OR2AT4: variants seen among roughly 807,000 people sequenced by gnomAD.
OR2AT4 encodes the protein olfactory receptor 2AT4.
In OR2AT4, 6 loss-of-function variants were observed where a neutral mutation model predicts 10.3. The ratio of observed to expected loss-of-function variants is 0.58; its 90% CI spans 0.32 to 1.15. OR2AT4 has a LOEUF of 1.15. Ranked by LOEUF, OR2AT4 falls within the 50% of genes most tolerant of loss-of-function variation. The probability of loss-of-function intolerance (pLI) is 0.05; values close to 1 mark genes in which losing one functional copy is unlikely to be tolerated. For missense variants in OR2AT4, 354 were observed against 393.8 expected, an observed-to-expected ratio of 0.90 and a Z score of 0.85; for synonymous variants, 145 against 159.1, an observed-to-expected ratio of 0.91 and a Z score of 0.67.
chr11:75,092,763 C>A (rs2140280332), intron 1 of OR2AT4, among the ~76,000 whole-genome samples: 1 of 151,462 alleles, frequency 6.6e-6, no homozygotes, highest in Admixed American at 6.6e-5. Context: ...CATGGCAAAA[C>A]CCTGTCTCTA....
intron 1 of OR2AT4, among the ~76,000 whole-genome samples, chr11:75,093,933 G>C (rs530027550): frequency 1.4e-4 from 21 of 144,860 alleles, no homozygotes; most frequent in Middle Eastern, 3.6e-3. Context: ...AGTGATTCGT[G>C]TGCCTCAGCC....
In OR2AT4 at chr11:75,086,727, C is replaced by T. The variant is rs1949292720; in HGVS notation, c.*2024G>A. Reference sequence around the variant, plus strand: ...AGCCTACATTGACACATCATTATGACCCAAAGCCCATAGTATACACTTGGT... The same window carrying T: ...AGCCTACATTGACACATCATTATGATCCAAAGCCCATAGTATACACTTGGT... On this transcript the variant is annotated 3_prime_UTR_variant, in exon 2 of 2. Transcript: ENST00000641504. 2.0e-5 allele frequency: 3 copies of T among 152,184 alleles called. No individual in the cohort carries two copies. The South Asian group carries it at 6.2e-4, about 32-fold the overall frequency. The allele number at this position is 152,184 out of a possible 1,614,324, so 9.4% of individuals were successfully genotyped here.
chr11:75,087,013 A>G (rs1315682913), exon 2 of OR2AT4: 1 of 152,166 alleles, frequency 6.6e-6, no homozygotes, highest in African/African-American at 2.4e-5. Context: ...TAAATTTACT[A>G]TTGACTCTTC....
intron 1 of OR2AT4, chr11:75,096,277 T>C (rs1280266246): frequency 6.6e-6 from 1 of 152,216 alleles, no homozygotes; most frequent in African/African-American, 2.4e-5. Context: ...CCTCAGCCTC[T>C]TAGGAAGGAG....
chr11:75,088,700 C>T lies in OR2AT4; in HGVS notation c.*51G>A, dbSNP rs746079986. On this transcript the variant is annotated 3_prime_UTR_variant, in exon 2 of 2. Coordinates refer to ENST00000641504, the Ensembl canonical transcript of OR2AT4. ...TCATGTATTGAGTCCTTTCTCTGTG[C>T]TAAGCACTGTTATTTGGTGTCCTGG... 3 of 1,505,822 alleles carry T rather than the reference C, an allele frequency of 2.0e-6. No homozygotes were observed. In the East Asian group the frequency reaches 6.8e-5, roughly 34 times the overall value. The allele number at this position is 1,505,822 out of a possible 1,614,324, so 93.3% of individuals were successfully genotyped here.
intron 1 of OR2AT4, among the ~76,000 whole-genome samples, chr11:75,092,902 C>T (rs985345908): frequency 6.6e-5 from 10 of 151,562 alleles, no homozygotes; most frequent in Admixed American, 2.6e-4. Flanking sequence ...GAGTTTGAGA[C>T]CAGCCTGACC....
intron 1 of OR2AT4, among the ~76,000 whole-genome samples, chr11:75,095,822 C>A (rs1033390997): frequency 1.3e-5 from 2 of 151,928 alleles, no homozygotes; most frequent in Non-Finnish European, 2.9e-5. Context: ...GGATTACAGG[C>A]GCTTGCCACC....
chr11:75,096,632 A>G (rs964555841), intron 1 of OR2AT4, among the ~76,000 whole-genome samples, 196 bp downstream of exon 1: 3 of 152,054 alleles, frequency 2.0e-5, no homozygotes, highest in Admixed American at 2.0e-4. Context: ...TTGTGACTGC[A>G]CAGCCCTGCC....
exon 2 of OR2AT4, chr11:75,088,670 C>G: frequency 8.3e-7 from 1 of 1,209,888 alleles, no homozygotes; most frequent in Non-Finnish European, 1.1e-6. Flanking sequence ...AACATTATTT[C>G]ATTATCATGT....
At chr11:75,095,665 T>C (rs1166501706) in intron 1 of OR2AT4, among the ~76,000 whole-genome samples, 1 of 147,650 alleles carries the variant, frequency 6.8e-6, no homozygotes, top group East Asian at 2.0e-4. Context: ...TTAAATAGTT[T>C]TCACCTAACC....
intron 1 of OR2AT4, among the ~76,000 whole-genome samples, chr11:75,095,006 A>G (rs1949339429): frequency 6.6e-6 from 1 of 152,178 alleles, no homozygotes; most frequent in Admixed American, 6.5e-5. Flanking sequence ...TTATGGATTG[A>G]ATGCCACCGA....
chr11:75,089,948 TAACC>T, exon 2 of OR2AT4: 1 of 496,808 alleles, frequency 2.0e-6, no homozygotes, highest in East Asian at 3.1e-5. Context: ...AATTAATTAA[TAACC>T]AACCAAATAG....
At chr11:75,093,327 A>G (rs1411319624) in intron 1 of OR2AT4, among the ~76,000 whole-genome samples, 1 of 152,152 alleles carries the variant, frequency 6.6e-6, no homozygotes, top group Non-Finnish European at 1.5e-5. Flanking sequence ...CATTATCACT[A>G]TCCTGTAGTC....
intron 1 of OR2AT4, among the ~76,000 whole-genome samples, chr11:75,093,769 G>A (rs1413616637): frequency 6.7e-6 from 1 of 149,838 alleles, no homozygotes; most frequent in Non-Finnish European, 1.5e-5. Context: ...ATATCCAGGC[G>A]GCTTTTCCTT....
At position 75,087,329 on chromosome 11, in the gene OR2AT4, T is replaced by C. The variant is rs149740799; in HGVS notation, c.*1422A>G. On this transcript the variant is annotated 3_prime_UTR_variant, in exon 2 of 2. Coordinates refer to ENST00000641504, the Ensembl canonical transcript of OR2AT4. The stretch of plus-strand genomic sequence containing the variant: ...GAAACTCTCTGTAAATATAAAACCA[T>C]GCATGGTAAAATAAAATGATAAAAA... 1.7e-3 allele frequency: 265 copies of C among 152,250 alleles called. 2 individuals carry two copies. The highest frequency in any genetic ancestry group is 6.1e-3 in the African/African-American group (255 of 41,540). 9.4% of individuals were successfully genotyped at this position (152,250 alleles called of 1,614,324 possible).
At chr11:75,088,526 CGTTTTTTATTT>C (rs954464665) in exon 2 of OR2AT4, 1 of 363,214 alleles carries the variant, frequency 2.8e-6, no homozygotes, top group Non-Finnish European at 4.9e-6. Context: ...CCCTGTGATA[CGTTTTTTATTT>C]GTTTTTTGAC....
exon 2 of OR2AT4, chr11:75,088,689 C>A: frequency 6.9e-7 from 1 of 1,441,440 alleles, no homozygotes; most frequent in South Asian, 1.7e-5. Context: ...GTATTGAGTC[C>A]TTTCTCTGTG....
intron 1 of OR2AT4, among the ~76,000 whole-genome samples, chr11:75,094,582 T>C (rs1205263834): frequency 6.6e-6 from 1 of 152,052 alleles, no homozygotes; most frequent in Non-Finnish European, 1.5e-5. Context: ...ACCCTGTCTC[T>C]ACAAAAAAAT....
exon 2 of OR2AT4, chr11:75,082,469 A>T (rs113991207): frequency 2.6e-5 from 4 of 152,028 alleles, no homozygotes; most frequent in Non-Finnish European, 5.9e-5. Flanking sequence ...TAAATAAATA[A>T]ATAAATAGTG....
Sources: gnomAD v4.1 joint callset for allele counts (sites outside exome capture counted in the v4.1 genomes callset) on GRCh38, gnomAD v4.1.1 for gene constraint, MANE v1.5 for transcripts, NCBI Gene and HGNC (gene_info 2026-07-23, HGNC 2026-07-21) for gene names.